Variants in CABYR observed in about 807,000 individuals in gnomAD.
CABYR encodes the protein calcium binding tyrosine phosphorylation regulated, also known as calcium-binding tyrosine phosphorylation-regulated protein.
In CABYR, 31 loss-of-function variants were observed where a neutral mutation model predicts 36.1. The observed-to-expected ratio is 0.86, with a 90% CI of 0.64 to 1.16. The LOEUF is 1.16. CABYR is among the 50% of genes most tolerant of loss of function. CABYR has a pLI of 0.00. For synonymous variants in CABYR, 146 were observed against 160.7 expected (o/e 0.91, Z 0.69); for missense variants, 429 against 455.8 (o/e 0.94, Z 0.53).
At chr18:24,151,665 C>G (rs930829306) in intron 3 of CABYR, among the ~76,000 whole-genome samples, 2 of 147,230 alleles carry the variant, frequency 1.4e-5, no homozygotes, top group African/African-American at 5.0e-5. Flanking sequence ...CAAACAAAGC[C>G]AAATGGTTGA....
Position 24,159,892 on chromosome 18 carries a change from A to AAGAT in CABYR, c.963_966dup (p.Val323ArgfsTer22). On this transcript the variant is annotated frameshift_variant, in exon 5 of 6. Coordinates refer to ENST00000399496, the MANE Select transcript of CABYR (RefSeq NM_153769.3). LOFTEE classifies it high-confidence loss of function. Reference sequence around the variant, plus strand: ...CAGAATGCTAATCCTCCAAGTGGACAAGATGTCCCCAGGCCAAAAAGCCCT... The same window carrying AAGAT: ...CAGAATGCTAATCCTCCAAGTGGACAAGATAGATGTCCCCAGGCCAAAAAGCCCT... 1.2e-6 allele frequency: 2 copies of AAGAT among 1,614,196 alleles called. No homozygotes were observed. The highest frequency in any genetic ancestry group is 1.7e-6 in the Non-Finnish European group (2 of 1,180,048).
chr18:24,159,062 A>C lies in CABYR; in HGVS notation c.542-410A>C, dbSNP rs535046455. ...ACACCTAGTGCTAACTTCTTTAGGA[A>C]ATAAACACTATGCAGATGCACTAAC... On this transcript the variant is annotated intron_variant, in intron 4 of 5. Coordinates refer to ENST00000399496, the MANE Select transcript of CABYR (RefSeq NM_153769.3). Among the ~76,000 whole-genome samples the C allele has an allele frequency of 2.0e-5, 3 of 152,356 alleles. No individual in the cohort carries two copies. The South Asian group carries it at 6.2e-4, about 32-fold the overall frequency.
At chr18:24,161,408 G>GTAAC (rs2085981890) in intron 5 of CABYR, 108 bp from the exon 6 acceptor site, 1 of 691,768 alleles carries the variant, frequency 1.4e-6, no homozygotes, top group African/African-American at 1.8e-5. Context: ...GTTAAGCTTA[G>GTAAC]TAACAGAGCA....
intron 3 of CABYR, among the ~76,000 whole-genome samples, chr18:24,143,912 C>CTTTTTTTTTTTTTT (rs2085392157): frequency 6.7e-6 from 1 of 149,106 alleles, no homozygotes; most frequent in Non-Finnish European, 1.5e-5. Context: ...TTTTTTTTTC[C>CTTTTTTTTTTTTTT]TTTGCAATGG....
At chr18:24,156,576 T>C in intron 4 of CABYR, 1 of 1,614,146 alleles carries the variant, frequency 6.2e-7, no homozygotes, top group Non-Finnish European at 8.5e-7. Context: ...GTCTAAAAAA[T>C]CTGTAGAGTC....
At chr18:24,142,052 C>G (rs998789066) in intron 1 of CABYR, among the ~76,000 whole-genome samples, 1 of 152,144 alleles carries the variant, frequency 6.6e-6, no homozygotes, top group East Asian at 1.9e-4. Context: ...TGGTCGGGCA[C>G]GGTGGCTCAT....
At chr18:24,158,057 G>A (rs2085840844) in intron 4 of CABYR, among the ~76,000 whole-genome samples, 1 of 152,150 alleles carries the variant, frequency 6.6e-6, no homozygotes, top group African/African-American at 2.4e-5. Flanking sequence ...GTGTGGGACT[G>A]GCACTATATT....
intron 3 of CABYR, among the ~76,000 whole-genome samples, chr18:24,147,272 A>AG (rs376381527): frequency 0.15 from 20,328 of 137,090 alleles, 1,917 homozygotes; most frequent in Non-Finnish European, 0.17. Context: ...AAAAAAAAAA[A>AG]GCCTATAGGC....
chr18:24,156,343 T>G (rs2085785292), intron 4 of CABYR: 4 of 1,614,210 alleles, frequency 2.5e-6, no homozygotes, highest in Non-Finnish European at 3.4e-6. Context: ...GAGGTCACTT[T>G]GCAGGCTGAT....
At position 24,160,067 on chromosome 18, in the gene CABYR, CTG is replaced by C. The variant is rs149126027; in HGVS notation, c.1138_1139del (p.Ter380IlefsTer4). On this transcript the variant is annotated frameshift_variant and stop_lost and splice_region_variant, in exon 5 of 6. Transcript: ENST00000399496. LOFTEE classifies it high-confidence loss of function. The part of the protein sequence containing the change: ...HKRRKAETEN[*>X] Reference sequence around the variant, plus strand: ...AACGTCGCAAAGCAGAAACTGAAAACTGGTAGGTACACTTTCCTACCATAATA... The same window carrying C: ...AACGTCGCAAAGCAGAAACTGAAAACGTAGGTACACTTTCCTACCATAATA... The C allele has an allele frequency of 4.1e-3, 6,575 of 1,604,920 alleles. 254 individuals carry two copies. The African/African-American group carries it at 0.078, about 19-fold the overall frequency.
chr18:24,147,678 C>A (rs2085494145), intron 3 of CABYR, among the ~76,000 whole-genome samples: 1 of 151,548 alleles, frequency 6.6e-6, no homozygotes, highest in Non-Finnish European at 1.5e-5. Flanking sequence ...TATCTAGTAG[C>A]TGTAAATCTT....
intron 4 of CABYR, 108 bp downstream of exon 4, chr18:24,156,150 G>T (rs1288788049): frequency 1.2e-6 from 2 of 1,614,216 alleles, no homozygotes; most frequent in Non-Finnish European, 1.7e-6. Context: ...GGCTGCTGAA[G>T]ATGTCATGGT....
chr18:24,150,532 T>G lies in CABYR; in HGVS notation c.200-5169T>G, dbSNP rs919036589. The G allele has an allele frequency of 8.4e-6, 8 of 954,058 alleles. No homozygotes were observed. In the African/African-American group the frequency reaches 1.4e-4, roughly 17 times the overall value. 59.1% of individuals were successfully genotyped at this position (954,058 alleles called of 1,614,324 possible). A position where few individuals can be genotyped will look rare whatever the true frequency, so the allele number is the denominator to read the frequency against. ...ATCTTTAGGAAGTCTTATTCCTCTT[T>G]GATAGATGGTGCAACTAATGTTTGT... On this transcript the variant is annotated intron_variant, in intron 3 of 5. Transcript: ENST00000399496.
intron 5 of CABYR, chr18:24,161,012 G>GTGTT (rs924824409): frequency 2.6e-5 from 4 of 153,114 alleles, no homozygotes; most frequent in African/African-American, 9.6e-5. Flanking sequence ...GCCAGCACAA[G>GTGTT]TGTTTTAAGC....
chr18:24,152,484 C>T (rs945685295), intron 3 of CABYR, among the ~76,000 whole-genome samples: 2 of 152,168 alleles, frequency 1.3e-5, no homozygotes, highest in African/African-American at 2.4e-5. Context: ...AAAACAATAT[C>T]ATACATTCCC....
chr18:24,157,064 A>G, intron 4 of CABYR: 1 of 1,247,364 alleles, frequency 8.0e-7, no homozygotes, highest in Non-Finnish European at 1.1e-6. Context: ...TCAGGTAGCC[A>G]TCTCTGTCGG....
chr18:24,147,494 TAAA>T (rs1055420640), intron 3 of CABYR, among the ~76,000 whole-genome samples: 2 of 152,130 alleles, frequency 1.3e-5, no homozygotes, highest in African/African-American at 4.8e-5. Context: ...CAAATTTTTT[TAAA>T]AAAGGAAAGG....
intron 2 of CABYR, 37 bp from the exon 3 acceptor site, chr18:24,143,323 T>G: frequency 6.3e-7 from 1 of 1,596,036 alleles, no homozygotes; most frequent in Non-Finnish European, 8.6e-7. Context: ...AGGAATTTCA[T>G]GTATCTGTAT....
rs776453038 is a variant in CABYR, at chr18:24,159,798, T to TA, written c.869dup (p.Tyr290Ter). ...CGTTTCACAGTCAGATGTCTTGAGA[T>TA]ATGTTGCAATGCAAGTGCCCATTGC... ...AVVSQSDVLR[Y>*]VAMQVPIAVP... The change falls in exon 5 of 6, where the codon TAT becomes TAAT. Residue 290 changes from tyrosine to a stop codon, truncating the protein, a stop_gained and frameshift_variant. Transcript: ENST00000399496. LOFTEE classifies it high-confidence loss of function. 6.2e-7 allele frequency: 1 copy of TA among 1,614,154 alleles called. No homozygotes were observed. The highest frequency in any genetic ancestry group is 1.1e-5 in the South Asian group (1 of 91,086).
Sources: gnomAD v4.1 joint callset for allele counts (sites outside exome capture counted in the v4.1 genomes callset) on GRCh38, gnomAD v4.1.1 for gene constraint, MANE v1.5 for transcripts, NCBI Gene and HGNC (gene_info 2026-07-23, HGNC 2026-07-21) for gene names.